NAT1: variants seen among roughly 807,000 people sequenced by gnomAD.
NAT1 encodes the protein N-acetyltransferase 1, also known as arylamine N-acetyltransferase 1.
For missense variants in NAT1, 400 were observed against 339.2 expected (o/e 1.18, Z -1.41); for synonymous variants, 144 against 122.6 (o/e 1.17, Z -1.16).
intron 2 of NAT1, among the ~76,000 whole-genome samples, chr8:18,181,637 G>C (rs1802523116): frequency 1.3e-5 from 2 of 152,054 alleles, no homozygotes; most frequent in Admixed American, 6.6e-5. Context: ...GGTGAAAGTG[G>C]GCATACTTGT....
At chr8:18,180,020 G>C (rs969300659) in intron 2 of NAT1, among the ~76,000 whole-genome samples, 5 of 152,154 alleles carry the variant, frequency 3.3e-5, no homozygotes, top group African/African-American at 1.2e-4. Flanking sequence ...AGTCAGAGGA[G>C]GGAGTATGCT....
intron 2 of NAT1, among the ~76,000 whole-genome samples, chr8:18,186,408 T>A (rs1281691166): frequency 6.6e-6 from 1 of 152,170 alleles, no homozygotes; most frequent in Admixed American, 6.5e-5. Context: ...AGGTACACCA[T>A]CTTTCTTTTT....
chr8:18,202,140 T>C (rs944542055), intron 2 of NAT1, among the ~76,000 whole-genome samples: 1 of 152,224 alleles, frequency 6.6e-6, no homozygotes, highest in African/African-American at 2.4e-5. Flanking sequence ...ATAACAAACC[T>C]TATCTTTGTG....
intron 2 of NAT1, 50 bp from the exon 3 acceptor site, chr8:18,221,992 C>A: frequency 2.6e-6 from 4 of 1,543,548 alleles, no homozygotes; most frequent in Non-Finnish European, 3.5e-6. Flanking sequence ...CTACTCAAAT[C>A]CAAGTGTAAA....
intron 2 of NAT1, chr8:18,221,746 T>A (rs1188642314): frequency 7.4e-6 from 2 of 271,864 alleles, no homozygotes; most frequent in Non-Finnish European, 1.4e-5. Context: ...GGAATCTCTC[T>A]TTTATTAATC....
chr8:18,197,112 C>T (rs1488004727), intron 2 of NAT1, among the ~76,000 whole-genome samples: 1 of 152,120 alleles, frequency 6.6e-6, no homozygotes, highest in Non-Finnish European at 1.5e-5. Context: ...AGAACTAACT[C>T]ACTATTATGA....
intron 2 of NAT1, among the ~76,000 whole-genome samples, chr8:18,172,007 AT>A (rs759739515): frequency 9.5e-4 from 145 of 152,306 alleles, no homozygotes; most frequent in Non-Finnish European, 1.3e-3. Context: ...CTAACATCTT[AT>A]GAAATTCTTC....
intron 2 of NAT1, among the ~76,000 whole-genome samples, chr8:18,184,047 G>C (rs958834285): frequency 6.6e-6 from 1 of 151,892 alleles, no homozygotes; most frequent in Admixed American, 6.6e-5. Context: ...GCGGGGTGGT[G>C]GGGGGGTCCC....
At chr8:18,211,443 C>G (rs1025090717) in intron 1 of NAT1, 1 of 152,256 alleles carries the variant, frequency 6.6e-6, no homozygotes, top group African/African-American at 2.4e-5. Flanking sequence ...GTGACACCAC[C>G]TTCCTCCTCA....
rs114601504 is a variant in NAT1 at position 18,183,309 on chromosome 8, T to G, written n.92+12570T>G. Among the ~76,000 whole-genome samples, 9 of 152,292 alleles carry G rather than the reference T, an allele frequency of 5.9e-5. No individual in the cohort carries two copies. In the South Asian group the frequency reaches 1.9e-3, roughly 32 times the overall value. ...TTTGCATTGCAAATTTCAACATCAGTTGGGGAAGGGGACAAACATTCAAAC... is the reference window on the plus strand; with the variant it reads ...TTTGCATTGCAAATTTCAACATCAGGTGGGGAAGGGGACAAACATTCAAAC... On this transcript the variant is annotated intron_variant and non_coding_transcript_variant, in intron 2 of 4. Coordinates refer to the NAT1 transcript ENST00000517441.
At chr8:18,193,298 C>T (rs192857368) in intron 2 of NAT1, among the ~76,000 whole-genome samples, 1 of 149,540 alleles carries the variant, frequency 6.7e-6, no homozygotes, top group Admixed American at 6.7e-5. Context: ...TCAAGCTGGT[C>T]TCCAACTCCT....
chr8:18,199,588 A>G (rs1589084030), intron 2 of NAT1, among the ~76,000 whole-genome samples: 1 of 152,126 alleles, frequency 6.6e-6, no homozygotes, highest in South Asian at 2.1e-4. Flanking sequence ...CCTTCAGTCT[A>G]AAGTTCTGCT....
At chr8:18,185,010 C>T (rs1802675812) in intron 2 of NAT1, among the ~76,000 whole-genome samples, 1 of 152,086 alleles carries the variant, frequency 6.6e-6, no homozygotes, top group African/African-American at 2.4e-5. Flanking sequence ...GCTGGCAAAT[C>T]TAAACATTGG....
At chr8:18,200,955 A>C (rs942412106) in intron 2 of NAT1, 1 of 152,198 alleles carries the variant, frequency 6.6e-6, no homozygotes, top group African/African-American at 2.4e-5. Context: ...TATATAGTCT[A>C]GGCCATAGGT....
At chr8:18,202,492 G>C (rs1182040045) in intron 2 of NAT1, among the ~76,000 whole-genome samples, 1 of 152,216 alleles carries the variant, frequency 6.6e-6, no homozygotes, top group Non-Finnish European at 1.5e-5. Flanking sequence ...CCTTTGCGGT[G>C]AGTGTTACAG....
intron 2 of NAT1, among the ~76,000 whole-genome samples, chr8:18,173,229 T>C (rs911307385): frequency 6.6e-6 from 1 of 152,126 alleles, no homozygotes; most frequent in African/African-American, 2.4e-5. Flanking sequence ...CACATTTCTT[T>C]GATCCTTATT....
chr8:18,222,702 A>T lies in NAT1; in HGVS notation c.655A>T (p.Ser219Cys), dbSNP rs1554478607. The change falls in exon 3 of 3, where the codon AGT (serine) becomes TGT (cysteine). Residue 219 changes from serine to cysteine, a missense_variant. Coordinates refer to ENST00000307719, the MANE Select transcript of NAT1 (RefSeq NM_000662.8). ...GACATCTCCATCATCTGTGTTTACT[A>T]GTAAATCATTTTGTTCCTTGCAGAC... ...LQTSPSSVFT[S>C]KSFCSLQTPD... The T allele has an allele frequency of 6.2e-7, 1 of 1,614,064 alleles. No individual in the cohort carries two copies. Among genetic ancestry groups the T allele is most frequent in the Admixed American group, 1.7e-5 (1 of 60,002 alleles).
intron 2 of NAT1, among the ~76,000 whole-genome samples, chr8:18,197,261 C>T (rs1394844374): frequency 2.0e-5 from 3 of 152,144 alleles, no homozygotes; most frequent in Non-Finnish European, 2.9e-5. Context: ...CAAACCATAT[C>T]AATTCTTAAG....
intron 2 of NAT1, among the ~76,000 whole-genome samples, chr8:18,175,028 T>C (rs1298286959): frequency 6.6e-6 from 1 of 150,668 alleles, no homozygotes; most frequent in Non-Finnish European, 1.5e-5. Context: ...TATTTCTGTA[T>C]CATATTCATG....
Sources: gnomAD v4.1 joint callset for allele counts (sites outside exome capture counted in the v4.1 genomes callset) on GRCh38, gnomAD v4.1.1 for gene constraint, MANE v1.5 for transcripts, NCBI Gene and HGNC (gene_info 2026-07-23, HGNC 2026-07-21) for gene names.